ASB3: variants seen among roughly 807,000 people sequenced by gnomAD.
ASB3 encodes ankyrin repeat and SOCS box protein 3.
In ASB3, 41 loss-of-function variants were observed where a neutral mutation model predicts 54.5. The observed-to-expected ratio is 0.75, with a 90% confidence interval of 0.59 to 0.98. The LOEUF (loss-of-function observed/expected upper bound fraction) is 0.98, where lower values mean the gene tolerates loss of function less well. Ranked by LOEUF, ASB3 falls within the 50% of genes least tolerant of loss-of-function variation. The pLI, the probability that ASB3 is intolerant of heterozygous loss-of-function variation, is 0.00. For synonymous variants in ASB3, 266 were observed against 221.2 expected (o/e 1.20, Z -1.80); for missense variants, 733 against 620.0 (o/e 1.18, Z -1.94).
chr2:53,773,065 G>A (rs183173596), intron 1 of ASB3, among the ~76,000 whole-genome samples: 8 of 152,220 alleles, frequency 5.3e-5, no homozygotes, highest in African/African-American at 1.9e-4. Context: ...AAATCAAGCA[G>A]TTAGTAATGG....
chr2:53,769,032 T>C (rs1673702126), intron 1 of ASB3, among the ~76,000 whole-genome samples: 1 of 152,214 alleles, frequency 6.6e-6, no homozygotes, highest in African/African-American at 2.4e-5. Context: ...GTTAAGAACT[T>C]GGCTTTTAAG....
At chr2:53,782,816 C>T (rs1674724554) in intron 1 of ASB3, among the ~76,000 whole-genome samples, 1 of 151,846 alleles carries the variant, frequency 6.6e-6, no homozygotes, top group Non-Finnish European at 1.5e-5. Context: ...GATGAAGTTT[C>T]ACTTTTGTCA....
intron 7 of ASB3, among the ~76,000 whole-genome samples, 194 bp from the exon 8 acceptor site, chr2:53,700,722 T>A (rs548939232): frequency 1.3e-5 from 2 of 152,250 alleles, no homozygotes; most frequent in South Asian, 4.2e-4. Context: ...TCCTGCATGG[T>A]TTTTAATTTT....
chr2:53,719,792 T>A (rs1376689684), intron 5 of ASB3, among the ~76,000 whole-genome samples: 1 of 152,108 alleles, frequency 6.6e-6, no homozygotes, highest in Non-Finnish European at 1.5e-5. Context: ...TGCCAACCCA[T>A]CTTTTGTGTT....
chr2:53,733,613 T>C (rs763795732), intron 3 of ASB3, among the ~76,000 whole-genome samples: 25 of 152,166 alleles, frequency 1.6e-4, no homozygotes, highest in African/African-American at 3.9e-4. Flanking sequence ...ACCTAATTTT[T>C]GTATTTTTAG....
chr2:53,694,138 C>T lies in ASB3; in HGVS notation c.1239-124G>A, dbSNP rs1315531269. On this transcript the variant is annotated intron_variant, in intron 8 of 9. Coordinates refer to ENST00000263634, the MANE Select transcript of ASB3 (RefSeq NM_016115.5). The stretch of plus-strand genomic sequence containing the variant: ...GAGGAGGGCAGACAGAAAACCAGGG[C>T]ATGTTAAGTATTTATGTAACTAGAG... 5.4e-6 allele frequency: 6 copies of T among 1,105,146 alleles called. 1 individual carries two copies. The highest frequency in any genetic ancestry group is 4.8e-5 in the African/African-American group (3 of 62,442). The allele number at this position is 1,105,146 out of a possible 1,614,324, so 68.5% of individuals were successfully genotyped here.
chr2:53,764,210 T>C lies in ASB3; in HGVS notation c.196+1167A>G, dbSNP rs75931563. Among the ~76,000 whole-genome samples, 286 of 152,294 alleles carry C rather than the reference T, an allele frequency of 1.9e-3. 1 individual carries two copies. Among genetic ancestry groups the C allele is most frequent in the Non-Finnish European group, 3.4e-3 (232 of 68,016 alleles). On this transcript the variant is annotated intron_variant, in intron 2 of 9. Transcript: ENST00000263634. ...AAGTATGCAGGAAAGAGGGTCTGAA[T>C]TTCCACGATCAATGAAATGAAATTG...
At position 53,786,906 on chromosome 2, in the gene ASB3, C is replaced by T. The variant is rs1219868512; in HGVS notation, c.-99G>A. 2.8e-6 allele frequency: 1 copy of T among 351,400 alleles called. No homozygotes were observed. Among genetic ancestry groups the T allele is most frequent in the Admixed American group, 4.4e-5 (1 of 22,806 alleles). The allele number at this position is 351,400 out of a possible 1,614,324, so 21.8% of individuals were successfully genotyped here. ...GTCCCAGAAGCCCCCGCTTTCGATCCCCACCGCGATGCTGCAGCCGTCCGA... is the reference window on the plus strand; with the variant it reads ...GTCCCAGAAGCCCCCGCTTTCGATCTCCACCGCGATGCTGCAGCCGTCCGA... On this transcript the variant is annotated 5_prime_UTR_variant, in exon 1 of 10. Coordinates refer to ENST00000263634, the MANE Select transcript of ASB3 (RefSeq NM_016115.5).
At chr2:53,724,441 T>G (rs1345865854) in intron 5 of ASB3, among the ~76,000 whole-genome samples, 3 of 151,704 alleles carry the variant, frequency 2.0e-5, no homozygotes, top group Non-Finnish European at 2.9e-5. Flanking sequence ...CTACTAAAAA[T>G]ACAAAAAATT....
chr2:53,736,387 G>A (rs1347997014), intron 3 of ASB3, among the ~76,000 whole-genome samples: 1 of 152,180 alleles, frequency 6.6e-6, no homozygotes, highest in Non-Finnish European at 1.5e-5. Context: ...CCAGGTGGTG[G>A]TGACATAAAT....
At chr2:53,695,487 A>T (rs989900464) in intron 8 of ASB3, among the ~76,000 whole-genome samples, 3 of 147,144 alleles carry the variant, frequency 2.0e-5, no homozygotes, top group Admixed American at 6.8e-5. Flanking sequence ...CTGGTTCTTT[A>T]TTTTTTTTTT....
At chr2:53,736,822 G>C (rs919690323) in intron 3 of ASB3, among the ~76,000 whole-genome samples, 3 of 151,730 alleles carry the variant, frequency 2.0e-5, no homozygotes, top group African/African-American at 2.4e-5. Context: ...TTTAAACCCA[G>C]TCTCTATTAA....
intron 2 of ASB3, among the ~76,000 whole-genome samples, chr2:53,754,929 G>T (rs1345065291): frequency 6.6e-6 from 1 of 152,092 alleles, no homozygotes; most frequent in East Asian, 1.9e-4. Flanking sequence ...TTTAGCAAAG[G>T]GATCTTATCT....
intron 7 of ASB3, among the ~76,000 whole-genome samples, chr2:53,706,807 A>G (rs1669799378): frequency 6.6e-6 from 1 of 152,156 alleles, no homozygotes. Flanking sequence ...CTTATGCCCA[A>G]TACTAGTTAC....
chr2:53,693,549 T>C (rs1669027417), intron 9 of ASB3, among the ~76,000 whole-genome samples: 1 of 152,182 alleles, frequency 6.6e-6, no homozygotes, highest in Non-Finnish European at 1.5e-5. Flanking sequence ...AGCATTTTTC[T>C]GACCACAAAG....
chr2:53,750,973 G>A, intron 2 of ASB3, 32 bp from the exon 3 acceptor site: 1 of 1,453,246 alleles, frequency 6.9e-7, no homozygotes. Flanking sequence ...TCAACTAGAA[G>A]GTATTACTTC....
rs540063597 is a variant in ASB3, at chr2:53,716,497, T to C, written c.782+69A>G. On this transcript the variant is annotated intron_variant, in intron 6 of 9. Transcript: ENST00000263634. ...AGACTTTGCCTAGAGGTGAAGGGTC[T>C]AGCCCAGATTTATTCTTTATTAGCT... is the stretch of plus-strand genomic sequence containing the variant. 1.5e-4 allele frequency: 238 copies of C among 1,559,448 alleles called. 4 individuals carry two copies. In the South Asian group the frequency reaches 2.0e-3, roughly 13 times the overall value.
At chr2:53,729,707 G>C (rs1214595516) in intron 3 of ASB3, 137 bp from the exon 4 acceptor site, 2 of 666,278 alleles carry the variant, frequency 3.0e-6, no homozygotes, top group Non-Finnish European at 5.2e-6. Context: ...TATCACAATT[G>C]TCTTAGCCCA....
chr2:53,692,122 A>G (rs1017904929), intron 9 of ASB3, among the ~76,000 whole-genome samples: 1 of 152,142 alleles, frequency 6.6e-6, no homozygotes, highest in African/African-American at 2.4e-5. Flanking sequence ...GTGACAACCA[A>G]AAAAATGTCT....
Sources: allele counts gnomAD v4.1 joint callset (sites outside exome capture counted in the v4.1 genomes callset), GRCh38; gene constraint gnomAD v4.1.1; transcripts MANE v1.5; gene names NCBI Gene and HGNC (gene_info 2026-07-23, HGNC 2026-07-21).